RCC1L: variants seen among roughly 807,000 people sequenced by gnomAD.
RCC1L encodes the protein RCC1-like G exchanging factor-like protein.
RCC1L carries 46 observed loss-of-function variants against 58.6 expected under a neutral mutation model. The ratio of observed to expected loss-of-function variants is 0.79; its 90% CI spans 0.62 to 1.00. RCC1L has a LOEUF of 1.00. RCC1L is among the 50% of genes least tolerant of loss of function. The pLI is 0.00. For missense variants in RCC1L, 636 were observed against 623.6 expected (o/e 1.02, Z -0.21); for synonymous variants, 281 against 262.9 (o/e 1.07, Z -0.67).
At chr7:75,033,887 TTAAAAAA>T in intron 10 of RCC1L, among the ~76,000 whole-genome samples, 1 of 151,892 alleles carries the variant, frequency 6.6e-6, no homozygotes, top group Non-Finnish European at 1.5e-5. Context: ...AAAAATTAAA[TTAAAAAA>T]TAAAGCAAAG....
At position 75,061,031 on chromosome 7, in the gene RCC1L, G is replaced by A. The variant is rs1016573308; in HGVS notation, c.787+176C>T. 6.8e-4 allele frequency among the ~76,000 whole-genome samples: 104 copies of A among 152,248 alleles called. No homozygotes were observed. In the East Asian group the frequency reaches 0.02, roughly 29 times the overall value. On this transcript the variant is annotated intron_variant, in intron 6 of 10. Transcript: ENST00000610322. ...TGAGACTGCAGTGAGATGTGATCGC[G>A]CCACTGCACTCCAGCTTGGGCGATG...
At chr7:75,069,325 T>C (rs1163529493) in intron 2 of RCC1L, among the ~76,000 whole-genome samples, 2 of 152,156 alleles carry the variant, frequency 1.3e-5, no homozygotes, top group Non-Finnish European at 2.9e-5. Flanking sequence ...CTGGAGTAAC[T>C]AGGATTATAG....
chr7:75,073,516 C>G lies in RCC1L; in HGVS notation c.222G>C (p.Val74=). ...CGGAGCTGGGCACCACAAAGGAAGG[C>G]ACGCCCAGCGCCCCCGAGAAGCTGA... ...WGFSFSGALG[V]PSFVVPSSGP... The change falls in exon 1 of 11, where the codon GTG becomes GTC. Residue 74 remains valine (V), a synonymous_variant. Transcript: ENST00000610322. 6.9e-7 allele frequency: 1 copy of G among 1,443,758 alleles called. No homozygotes were observed. The highest frequency in any genetic ancestry group is 9.0e-7 in the Non-Finnish European group (1 of 1,105,938). 89.4% of individuals were successfully genotyped at this position (1,443,758 alleles called of 1,614,324 possible).
At chr7:75,056,175 G>GT (rs1205267212) in intron 8 of RCC1L, 101 bp from the exon 9 acceptor site, 1,402 of 1,245,798 alleles carry the variant, frequency 1.1e-3, no homozygotes, top group African/African-American at 1.8e-3. Flanking sequence ...CATCCACACG[G>GT]TTTTTTTTTG....
intron 6 of RCC1L, among the ~76,000 whole-genome samples, chr7:75,060,525 G>C (rs1806240889): frequency 6.6e-6 from 1 of 152,212 alleles, no homozygotes; most frequent in Non-Finnish European, 1.5e-5. Flanking sequence ...CCGCCTCCCG[G>C]GTTCAAGCCA....
At chr7:75,037,898 C>T (rs1584486171), downstream of RCC1L, among the ~76,000 whole-genome samples, 1 of 152,250 alleles carries the variant, frequency 6.6e-6, no homozygotes, top group Non-Finnish European at 1.5e-5. Context: ...ACTCCTAACA[C>T]TGTCTCCAGC....
Position 75,042,913 on chromosome 7 carries a change from G to C in RCC1L, c.*119C>G. On this transcript the variant is annotated 3_prime_UTR_variant, in exon 11 of 11. Coordinates refer to ENST00000610322, the MANE Select transcript of RCC1L (RefSeq NM_030798.5). ...GGGATTCAGGACAGAGCGTCACACT[G>C]CACGCAGGGTCCTCCGCCACCACCA... The C allele has an allele frequency of 6.4e-7, 1 of 1,555,384 alleles. No homozygotes were observed. The highest frequency in any genetic ancestry group is 8.7e-7 in the Non-Finnish European group (1 of 1,148,728).
intron 10 of RCC1L, chr7:75,028,116 ATTTTTTT>A (rs71098023): frequency 7.9e-7 from 1 of 1,263,826 alleles, no homozygotes; most frequent in Non-Finnish European, 1.0e-6. Context: ...ATGATGTGGA[ATTTTTTT>A]TTTTTTTTTT....
chr7:75,057,593 G>T lies in RCC1L; in HGVS notation c.993C>A (p.His331Gln). 1 of 1,613,970 alleles carries T rather than the reference G, an allele frequency of 6.2e-7. No individual in the cohort carries two copies. The highest frequency in any genetic ancestry group is 8.5e-7 in the Non-Finnish European group (1 of 1,179,852). ...STQVNVPRCL[H>Q]FSGVGKVRQA... ...GTCGCACCTTCCCCACTCCTGAGAA[G>T]TGTAAGCAGCGGGGCACATTCACCT... Residue 331 changes from histidine to glutamine, a missense_variant, in exon 8 of 11, where the codon CAC becomes CAA. Coordinates refer to ENST00000610322, the MANE Select transcript of RCC1L (RefSeq NM_030798.5).
chr7:75,034,092 T>C (rs1427148746), intron 10 of RCC1L, among the ~76,000 whole-genome samples: 1 of 152,126 alleles, frequency 6.6e-6, no homozygotes, highest in Admixed American at 6.6e-5. Context: ...CAACACAGTT[T>C]GCGAAAAACC....
chr7:75,052,437 C>T (rs1180454919), intron 10 of RCC1L, among the ~76,000 whole-genome samples: 7 of 152,204 alleles, frequency 4.6e-5, no homozygotes, highest in Non-Finnish European at 1.0e-4. Context: ...GTCAGTGGGC[C>T]GGGATGGGTT....
At chr7:75,061,163 G>T in intron 6 of RCC1L, 44 bp downstream of exon 6, 1 of 1,519,668 alleles carries the variant, frequency 6.6e-7, no homozygotes, top group East Asian at 2.3e-5. Flanking sequence ...CACATGACAC[G>T]GGCTGAGAAG....
intron 9 of RCC1L, among the ~76,000 whole-genome samples, chr7:75,054,296 C>T (rs1167735744): frequency 6.6e-6 from 1 of 152,134 alleles, no homozygotes; most frequent in Non-Finnish European, 1.5e-5. Flanking sequence ...TCCCAGATGG[C>T]TATCTGCAAA....
At position 75,070,789 on chromosome 7, in the gene RCC1L, A is replaced by G; in HGVS notation, c.325-20T>C. On this transcript the variant is annotated intron_variant, in intron 1 of 10. Transcript: ENST00000610322. ...TGAAATCTGAAAAGCAGTTCCCACA[A>G]AGCATGAACTGATTTATAATGTCAA... 1.2e-6 allele frequency: 2 copies of G among 1,613,380 alleles called. No homozygotes were observed. The highest frequency in any genetic ancestry group is 1.7e-6 in the Non-Finnish European group (2 of 1,179,724).
At chr7:75,032,949 G>A (rs1226935813) in intron 10 of RCC1L, among the ~76,000 whole-genome samples, 7 of 151,696 alleles carry the variant, frequency 4.6e-5, no homozygotes, top group Non-Finnish European at 8.8e-5. Flanking sequence ...GCGGGTGCCT[G>A]TAATCCCAGC....
intron 10 of RCC1L, among the ~76,000 whole-genome samples, chr7:75,035,337 C>T (rs1407022388): frequency 6.6e-6 from 1 of 152,066 alleles, no homozygotes; most frequent in Non-Finnish European, 1.5e-5. Context: ...GGCCTGGGTC[C>T]CTACTTTAGC....
In RCC1L at chr7:75,047,570, C is replaced by T. The variant is rs911921779; in HGVS notation, c.1318-4461G>A. On this transcript the variant is annotated intron_variant, in intron 10 of 10. Coordinates refer to ENST00000610322, the MANE Select transcript of RCC1L (RefSeq NM_030798.5). ...TGAGTTACCATGCCTGGCCTGTGCCCGGCTTTTAACTTGTACTCCTCTCCT... is the reference window on the plus strand; with the variant it reads ...TGAGTTACCATGCCTGGCCTGTGCCTGGCTTTTAACTTGTACTCCTCTCCT... 4.6e-5 allele frequency among the ~76,000 whole-genome samples: 7 copies of T among 152,142 alleles called. No individual in the cohort carries two copies. The East Asian group carries it at 5.8e-4, about 13-fold the overall frequency.
At chr7:75,064,429 AACAG>A (rs1806386565) in intron 4 of RCC1L, among the ~76,000 whole-genome samples, 149 bp downstream of exon 4, 1 of 152,044 alleles carries the variant, frequency 6.6e-6, no homozygotes, top group African/African-American at 2.4e-5. Flanking sequence ...CTCAACCTGA[AACAG>A]ACAGCACTCC....
intron 3 of RCC1L, 149 bp downstream of exon 3, chr7:75,066,515 A>G: frequency 2.1e-6 from 2 of 967,566 alleles, no homozygotes; most frequent in Non-Finnish European, 3.0e-6. Flanking sequence ...AGCTGTCTTG[A>G]GCAATCCCAC....
Sources: gnomAD v4.1 joint callset for allele counts (sites outside exome capture counted in the v4.1 genomes callset) on GRCh38, gnomAD v4.1.1 for gene constraint, MANE v1.5 for transcripts, NCBI Gene and HGNC (gene_info 2026-07-23, HGNC 2026-07-21) for gene names.